Variants in CLDN19 observed in about 807,000 individuals in gnomAD.
CLDN19 encodes the protein claudin-19.
CLDN19 carries 19 observed loss-of-function variants against 24.5 expected under a neutral mutation model. The observed-to-expected ratio is 0.78, with a 90% CI of 0.54 to 1.14. The LOEUF (loss-of-function observed/expected upper bound fraction) is 1.14, where lower values mean the gene tolerates loss of function less well. Ranked by LOEUF, CLDN19 falls within the 50% of genes most tolerant of loss-of-function variation. The pLI is 0.00. For missense variants in CLDN19, 250 were observed against 295.9 expected (o/e 0.84, Z 1.14); for synonymous variants, 117 against 129.6 (o/e 0.90, Z 0.66).
intron 3 of CLDN19, 97 bp from the exon 4 acceptor site, chr1:42,736,127 G>A: frequency 2.7e-6 from 2 of 751,552 alleles, no homozygotes; most frequent in South Asian, 1.7e-5. Flanking sequence ...GTGTGGAGCT[G>A]GAGGCTGGAG....
In CLDN19 at chr1:42,739,902, G is replaced by T. The variant is rs1303732063; in HGVS notation, c.162C>A (p.Cys54Ter). The T allele has an allele frequency of 4.3e-6, 7 of 1,612,648 alleles. No homozygotes were observed. The highest frequency in any genetic ancestry group is 8.5e-7 in the Non-Finnish European group (1 of 1,179,674). ...VGLYEGLWMS[C>*]ASQSTGQVQC... is the part of the protein sequence containing the mutation. ...GCACTTGCCCAGTGCTCTGGGAGGC[G>T]CAGGACATCCAGAGCCCTTCATAGA... is the stretch of plus-strand genomic sequence containing the variant. Residue 54 changes from cysteine to a stop codon, truncating the protein, a stop_gained, in exon 1 of 5, where the codon TGC becomes TGA. Transcript: ENST00000296387. LOFTEE classifies it high-confidence loss of function.
intron 3 of CLDN19, among the ~76,000 whole-genome samples, chr1:42,736,734 G>A (rs745432422): frequency 6.6e-6 from 1 of 152,188 alleles, no homozygotes; most frequent in Non-Finnish European, 1.5e-5. Flanking sequence ...GGAGGCCTCA[G>A]CCCCTTGCTT....
Position 42,735,732 on chromosome 1 carries a change from C to T in CLDN19, c.626+146G>A, listed in dbSNP as rs567128668. 2,785 of 1,474,994 alleles carry T rather than the reference C, an allele frequency of 1.9e-3. 5 individuals are homozygous for T. Among genetic ancestry groups the T allele is most frequent in the Non-Finnish European group, 2.4e-3 (2,696 of 1,113,770 alleles). The allele number at this position is 1,474,994 out of a possible 1,614,324, so 91.4% of individuals were successfully genotyped here. On this transcript the variant is annotated intron_variant, in intron 4 of 4. Transcript: ENST00000296387. The stretch of plus-strand genomic sequence containing the variant: ...TGGGTCTCAGATTGCAGGGTGGGTG[C>T]TTGTGTTGAGGACAAGCTGCTCAGA...
intron 3 of CLDN19, among the ~76,000 whole-genome samples, chr1:42,736,296 T>C (rs1651370179): frequency 6.6e-6 from 1 of 152,118 alleles, no homozygotes; most frequent in Non-Finnish European, 1.5e-5. Context: ...TGAGCAACCT[T>C]GGGCTCATTT....
chr1:42,739,852 A>C lies in CLDN19; in HGVS notation c.212T>G (p.Leu71Arg). 1 of 1,612,938 alleles carries C rather than the reference A, an allele frequency of 6.2e-7. No individual in the cohort carries two copies. The highest frequency in any genetic ancestry group is 8.5e-7 in the Non-Finnish European group (1 of 1,179,774). Residue 71 changes from leucine to arginine, a missense_variant, in exon 1 of 5, where the codon CTC becomes CGC. Physicochemically the swap from Leu to Arg is moderately radical, Grantham distance 102 (BLOSUM62 -2). Transcript: ENST00000296387. ...QVQCKLYDSL[L>R]ALDGHIQSAR... ...GGCCTGGGGCCTACCGTCCAGGGCG[A>C]GCAGCGAGTCGTAGAGCTTGCACTG... is the stretch of plus-strand genomic sequence containing the variant.
In CLDN19 at chr1:42,739,827, G is replaced by A. The variant is rs760847591; in HGVS notation, c.223+14C>T. 3.5e-5 allele frequency: 56 copies of A among 1,610,666 alleles called. No individual in the cohort carries two copies. The highest frequency in any genetic ancestry group is 1.1e-4 in the African/African-American group (8 of 74,892). On this transcript the variant is annotated intron_variant, in intron 1 of 4. Transcript: ENST00000296387. ...CCCACCTCCCATCTCCCACCCCGCC[G>A]GCCTGGGGCCTACCGTCCAGGGCGA...
intron 1 of CLDN19, 25 bp downstream of exon 1, chr1:42,739,816 C>G: frequency 6.2e-7 from 1 of 1,605,948 alleles, no homozygotes; most frequent in African/African-American, 1.3e-5. Flanking sequence ...CCTCCCATCT[C>G]CCACCCCGCC....
chr1:42,736,364 T>C (rs115478759), intron 3 of CLDN19, among the ~76,000 whole-genome samples: 2,784 of 151,784 alleles, frequency 0.018, 98 homozygotes, highest in African/African-American at 0.064. Context: ...ACGGGAGGAG[T>C]GGGGCAATCC....
rs776804215 is a variant in CLDN19 at position 42,734,563 on chromosome 1, C to T, written c.*523G>A. The T allele has an allele frequency of 2.0e-4, 32 of 162,140 alleles. No individual in the cohort carries two copies. Among genetic ancestry groups the T allele is most frequent in the Non-Finnish European group, 3.5e-4 (26 of 73,258 alleles). 10.0% of individuals were successfully genotyped at this position (162,140 alleles called of 1,614,324 possible). On this transcript the variant is annotated 3_prime_UTR_variant, in exon 5 of 5. Transcript: ENST00000296387. The stretch of plus-strand genomic sequence containing the variant: ...GGGGAGCTCCTACACTGTGTCCCCT[C>T]ACCTATCGCTGATCCCCAGCATCCA...
rs1237119518 is a variant in CLDN19, at chr1:42,738,326, C to T, written c.389-13G>A. 1.2e-6 allele frequency: 2 copies of T among 1,613,670 alleles called. No homozygotes were observed. The highest frequency in any genetic ancestry group is 1.3e-5 in the African/African-American group (1 of 74,930). On this transcript the variant is annotated splice_polypyrimidine_tract_variant and intron_variant, in intron 2 of 4. Coordinates refer to ENST00000296387, the MANE Select transcript of CLDN19 (RefSeq NM_148960.3). ...AAAGTGCAGAGGCCTAAAGACAAAG[C>T]AGAGGGGCGCTCAGCTCTGCTCTGG...
Position 42,738,548 on chromosome 1 carries a change from G to A in CLDN19, c.261C>T (p.Ala87=), listed in dbSNP as rs746656339. The A allele has an allele frequency of 4.2e-5, 67 of 1,613,752 alleles. 1 individual carries two copies. In the South Asian group the frequency reaches 6.1e-4, roughly 15 times the overall value. ...IQSARALMVV[A]VLLGFVAMVL... ...CCATGGCCACGAAGCCCAGGAGCAC[G>A]GCCACCACCATCAGGGCCCGCGCTG... The change falls in exon 2 of 5, where the codon GCC becomes GCT. Residue 87 remains alanine, a synonymous_variant. Coordinates refer to ENST00000296387, the MANE Select transcript of CLDN19 (RefSeq NM_148960.3).
chr1:42,735,864 G>A lies in CLDN19; in HGVS notation c.626+14C>T. On this transcript the variant is annotated intron_variant, in intron 4 of 4. Coordinates refer to ENST00000296387, the MANE Select transcript of CLDN19 (RefSeq NM_148960.3). ...GGTGGGGGGCTGGCCAGGGCAGGCG[G>A]AGCTCAGACGTACTCTCGGGCAGCA... 1 of 1,571,088 alleles carries A rather than the reference G, an allele frequency of 6.4e-7. No individual in the cohort carries two copies. The highest frequency in any genetic ancestry group is 1.3e-5 in the African/African-American group (1 of 74,164).
At position 42,734,833 on chromosome 1, in the gene CLDN19, G is replaced by T; in HGVS notation, c.*253C>A. ...AGGGGGGTCCCTAGACAGAGGGTAG[G>T]ACCTCTGAATTATTTCTTGCTTAGC... On this transcript the variant is annotated 3_prime_UTR_variant, in exon 5 of 5. Transcript: ENST00000296387. The T allele has an allele frequency of 1.9e-6, 1 of 530,348 alleles. No homozygotes were observed. Among genetic ancestry groups the T allele is most frequent in the Non-Finnish European group, 3.4e-6 (1 of 293,714 alleles). 32.9% of individuals were successfully genotyped at this position (530,348 alleles called of 1,614,324 possible).
At position 42,739,857 on chromosome 1, in the gene CLDN19, C is replaced by A; in HGVS notation, c.207G>T (p.Ser69=). The change falls in exon 1 of 5, where the codon TCG becomes TCT. Residue 69 remains serine (S), a synonymous_variant. Coordinates refer to ENST00000296387, the MANE Select transcript of CLDN19 (RefSeq NM_148960.3). The stretch of plus-strand genomic sequence containing the variant: ...GGGGCCTACCGTCCAGGGCGAGCAG[C>A]GAGTCGTAGAGCTTGCACTGCACTT... ...TGQVQCKLYD[S]LLALDGHIQS... is the part of the protein sequence containing the mutation. 3 of 1,612,920 alleles carry A rather than the reference C, an allele frequency of 1.9e-6. No individual in the cohort carries two copies. The highest frequency in any genetic ancestry group is 2.5e-6 in the Non-Finnish European group (3 of 1,179,764).
rs1570441330 is a variant in CLDN19, at chr1:42,734,762, C to T, written c.*324G>A. 3.0e-6 allele frequency: 1 copy of T among 328,132 alleles called. No individual in the cohort carries two copies. The highest frequency in any genetic ancestry group is 5.5e-5 in the East Asian group (1 of 18,272). 20.3% of individuals were successfully genotyped at this position (328,132 alleles called of 1,614,324 possible). A position where few individuals can be genotyped will look rare whatever the true frequency, so the allele number is the denominator to read the frequency against. ...GGCAGCCTCCAGGAGTGAGTGGGAT[C>T]TCCTATCAAGGAGGACTTTGTGCCA... On this transcript the variant is annotated 3_prime_UTR_variant, in exon 5 of 5. Transcript: ENST00000296387.
At position 42,734,041 on chromosome 1, in the gene CLDN19, G is replaced by C. The variant is rs1651272715; in HGVS notation, c.*1045C>G. 6.6e-6 allele frequency: 1 copy of C among 152,444 alleles called. No homozygotes were observed. The highest frequency in any genetic ancestry group is 2.4e-5 in the African/African-American group (1 of 41,440). 9.4% of individuals were successfully genotyped at this position (152,444 alleles called of 1,614,324 possible). A position where few individuals can be genotyped will look rare whatever the true frequency, so the allele number is the denominator to read the frequency against. ...GGCAGGGAAGGGGAGGTTCTGTGAT[G>C]GATGCTTTCCCCAGAAGCCTGATAC... On this transcript the variant is annotated 3_prime_UTR_variant, in exon 5 of 5. Transcript: ENST00000296387.
intron 4 of CLDN19, 49 bp from the exon 5 acceptor site, chr1:42,735,183 C>CG (rs376221466): frequency 6.2e-7 from 1 of 1,610,948 alleles, no homozygotes; most frequent in Admixed American, 1.7e-5. Flanking sequence ...GCTGTGGGGT[C>CG]GGGGGCAGGG....
At position 42,733,851 on chromosome 1, in the gene CLDN19, A is replaced by G. The variant is rs1472535414; in HGVS notation, c.*1235T>C. The stretch of plus-strand genomic sequence containing the variant: ...CTCCCTGCCCTTGACTGCAGTGTAC[A>G]TGGCAGTCATCTCATCTGACTTGGT... On this transcript the variant is annotated 3_prime_UTR_variant, in exon 5 of 5. Transcript: ENST00000296387. The G allele has an allele frequency of 1.3e-5, 2 of 152,402 alleles. No homozygotes were observed. Among genetic ancestry groups the G allele is most frequent in the East Asian group, 3.9e-4 (2 of 5,194 alleles). The allele number at this position is 152,402 out of a possible 1,614,324, so 9.4% of individuals were successfully genotyped here. A position where few individuals can be genotyped will look rare whatever the true frequency, so the allele number is the denominator to read the frequency against.
In CLDN19 at chr1:42,740,144, G is replaced by A; in HGVS notation, c.-81C>T. The A allele has an allele frequency of 9.3e-7, 1 of 1,073,616 alleles. No individual in the cohort carries two copies. The highest frequency in any genetic ancestry group is 1.4e-6 in the Non-Finnish European group (1 of 723,602). The allele number at this position is 1,073,616 out of a possible 1,614,324, so 66.5% of individuals were successfully genotyped here. A position where few individuals can be genotyped will look rare whatever the true frequency, so the allele number is the denominator to read the frequency against. On this transcript the variant is annotated 5_prime_UTR_variant, in exon 1 of 5. Transcript: ENST00000296387. ...CAGGGGCTTTGGTCATGGCCAGGTG[G>A]GAGGAGCAGCTGGGCAGGGGGAGCA...
Sources: gnomAD v4.1 joint callset for allele counts (sites outside exome capture counted in the v4.1 genomes callset) on GRCh38, gnomAD v4.1.1 for gene constraint, MANE v1.5 for transcripts, NCBI Gene and HGNC (gene_info 2026-07-23, HGNC 2026-07-21) for gene names.